ZFR2: variants seen among roughly 807,000 people sequenced by gnomAD.
ZFR2 encodes zinc finger RNA binding protein 2.
ZFR2 carries 104 observed loss-of-function variants against 105.7 expected under a neutral mutation model. The ratio of observed to expected loss-of-function variants is 0.98; its 90% CI spans 0.84 to 1.16. ZFR2 has a LOEUF of 1.16. Ranked by LOEUF, ZFR2 falls within the 50% of genes most tolerant of loss-of-function variation. ZFR2 has a pLI of 0.00. For missense variants in ZFR2, 1,425 were observed against 1,355.5 expected, an observed-to-expected ratio of 1.05 and a Z score of -0.80; for synonymous variants, 634 against 597.7, an observed-to-expected ratio of 1.06 and a Z score of -0.89.
Position 3,859,885 on chromosome 19 carries a change from G to GC in ZFR2, c.53+9079_53+9080insG, listed in dbSNP as rs2038352715. 7.2e-5 allele frequency among the ~76,000 whole-genome samples: 11 copies of GC among 152,176 alleles called. No individual in the cohort carries two copies. In the South Asian group the frequency reaches 2.3e-3, roughly 32 times the overall value. The stretch of plus-strand genomic sequence containing the variant: ...CGTAACAGTCCTGATTTTGTAACCA[G>GC]TTTTTTTCTTTTTCTTTTTTTCTGA... On this transcript the variant is annotated intron_variant, in intron 1 of 18. Transcript: ENST00000262961.
chr19:3,847,239 C>G (rs2145177317), intron 1 of ZFR2, among the ~76,000 whole-genome samples: 1 of 152,180 alleles, frequency 6.6e-6, no homozygotes, highest in Middle Eastern at 3.4e-3. Context: ...TTTCATAGAG[C>G]CGGGGGCAGG....
At chr19:3,818,857 C>T (rs934090035) in intron 12 of ZFR2, among the ~76,000 whole-genome samples, 188 bp downstream of exon 12, 7 of 152,276 alleles carry the variant, frequency 4.6e-5, no homozygotes, top group African/African-American at 7.2e-5. Context: ...AAACCAGCCT[C>T]GTTCAGTGCC....
At chr19:3,808,280 C>G (rs1226399037) in intron 17 of ZFR2, among the ~76,000 whole-genome samples, 3 of 152,250 alleles carry the variant, frequency 2.0e-5, no homozygotes, top group Admixed American at 6.5e-5. Context: ...CATGCCTACA[C>G]GTGTGCTTTA....
At chr19:3,812,888 G>C (rs367856627) in intron 14 of ZFR2, among the ~76,000 whole-genome samples, 4 of 152,252 alleles carry the variant, frequency 2.6e-5, no homozygotes, top group South Asian at 4.1e-4. Context: ...AGACCAACCT[G>C]GCCAACCTGG....
At chr19:3,816,945 C>A in intron 12 of ZFR2, 100 bp from the exon 13 acceptor site, 7 of 1,078,512 alleles carry the variant, frequency 6.5e-6, no homozygotes, top group Non-Finnish European at 9.2e-6. Context: ...AGTTACAGAG[C>A]CTCTCTGTGC....
rs557031346 is a variant in ZFR2 at position 3,834,178 on chromosome 19, C to T, written c.265-400G>A. 4.6e-5 allele frequency among the ~76,000 whole-genome samples: 7 copies of T among 152,022 alleles called. No homozygotes were observed. In the South Asian group the frequency reaches 6.2e-4, roughly 14 times the overall value. On this transcript the variant is annotated intron_variant, in intron 2 of 18. Transcript: ENST00000262961. This position sits in a 1 kb window ranked among gnomAD's most constrained non-coding sequence, Gnocchi z 5.3. ...CAGGGTGGCCTCTGATGCCGTTGAC[C>T]GACACAATCTGGGGACGAGGTGCGG... is the stretch of plus-strand genomic sequence containing the variant.
intron 1 of ZFR2, 87 bp downstream of exon 1, chr19:3,868,878 C>A: frequency 9.2e-7 from 1 of 1,089,588 alleles, no homozygotes; most frequent in Non-Finnish European, 1.2e-6. Flanking sequence ...CCGGGCCGGG[C>A]GCACGCGGCG....
chr19:3,835,412 G>T (rs780782101), intron 1 of ZFR2, among the ~76,000 whole-genome samples: 8 of 151,624 alleles, frequency 5.3e-5, no homozygotes, highest in Admixed American at 5.3e-4. Context: ...TGCAACCTCC[G>T]CCTCCCAGGT....
intron 18 of ZFR2, 80 bp downstream of exon 18, chr19:3,807,092 G>A (rs1463566301): frequency 1.8e-6 from 2 of 1,099,420 alleles, no homozygotes; most frequent in Admixed American, 4.8e-5. Flanking sequence ...GGAAACCCAG[G>A]CCATTTCGGG....
At chr19:3,806,218 G>C (rs2037695211) in intron 18 of ZFR2, 93 bp from the exon 19 acceptor site, 1 of 1,331,714 alleles carries the variant, frequency 7.5e-7, no homozygotes, top group African/African-American at 1.5e-5. Flanking sequence ...GCCACCAGCA[G>C]ATGGGCCAGG....
rs1228284607 is a variant in ZFR2 at position 3,804,305 on chromosome 19, A to C, written c.*1644T>G. On this transcript the variant is annotated 3_prime_UTR_variant, in exon 19 of 19. Coordinates refer to ENST00000262961, the MANE Select transcript of ZFR2 (RefSeq NM_015174.2). Reference sequence around the variant, plus strand: ...CATCAGTGCCAGGAGGCGCCTGCCCACCATGGCCAGCATCCACAAGACGGC... The same window carrying C: ...CATCAGTGCCAGGAGGCGCCTGCCCCCCATGGCCAGCATCCACAAGACGGC... 1 of 152,310 alleles carries C rather than the reference A, an allele frequency of 6.6e-6. No individual in the cohort carries two copies. Among genetic ancestry groups the C allele is most frequent in the Non-Finnish European group, 1.5e-5 (1 of 68,200 alleles). 9.4% of individuals were successfully genotyped at this position (152,310 alleles called of 1,614,324 possible).
Position 3,825,228 on chromosome 19 carries a change from A to G in ZFR2, c.1213+2T>C, listed in dbSNP as rs1232567836. ...CACGAACACGCATACAGACACACGT[A>G]CCCTCGCATAAGGCCTTCGAGGCCA... On this transcript the variant is annotated splice_donor_variant, in intron 7 of 18. Transcript: ENST00000262961. LOFTEE classifies it high-confidence loss of function. 1 of 1,527,654 alleles carries G rather than the reference A, an allele frequency of 6.5e-7. No individual in the cohort carries two copies. The highest frequency in any genetic ancestry group is 1.7e-4 in the Middle Eastern group (1 of 5,742). 94.6% of individuals were successfully genotyped at this position (1,527,654 alleles called of 1,614,324 possible).
chr19:3,868,345 AC>A (rs2038458193), intron 1 of ZFR2, among the ~76,000 whole-genome samples: 1 of 132,876 alleles, frequency 7.5e-6, no homozygotes, highest in African/African-American at 2.9e-5. Flanking sequence ...CCGGCCAGGC[AC>A]CCTCCCAGGT....
chr19:3,845,170 C>T (rs895091813), intron 1 of ZFR2, among the ~76,000 whole-genome samples: 2 of 152,172 alleles, frequency 1.3e-5, no homozygotes, highest in East Asian at 1.9e-4. Flanking sequence ...GGGATCCAGT[C>T]GGATTGGATT....
chr19:3,807,670 T>G (rs1027815160), intron 17 of ZFR2, among the ~76,000 whole-genome samples: 1 of 147,536 alleles, frequency 6.8e-6, no homozygotes, highest in African/African-American at 2.5e-5. Flanking sequence ...TGTGCACCCA[T>G]GTCGGTGTGT....
In ZFR2 at chr19:3,831,563, A is replaced by C. The variant is rs554670029; in HGVS notation, c.599-7T>G. Reference sequence around the variant, plus strand: ...TAGTTCGGGTAGCTTGGTGCTGAGCAGCAGAGAAAACAATGAGTCGGGGGG... The same window carrying C: ...TAGTTCGGGTAGCTTGGTGCTGAGCCGCAGAGAAAACAATGAGTCGGGGGG... On this transcript the variant is annotated splice_polypyrimidine_tract_variant and splice_region_variant and intron_variant, in intron 4 of 18. Transcript: ENST00000262961. The C allele has an allele frequency of 6.4e-7, 1 of 1,559,048 alleles. No homozygotes were observed. The highest frequency in any genetic ancestry group is 2.4e-5 in the East Asian group (1 of 42,130).
intron 17 of ZFR2, 122 bp from the exon 18 acceptor site, chr19:3,807,391 C>G (rs1013176660): frequency 1.5e-6 from 1 of 676,192 alleles, no homozygotes; most frequent in African/African-American, 1.8e-5. Flanking sequence ...TACTTGCAGC[C>G]GTGGCACCTC....
At chr19:3,811,493 C>G in intron 14 of ZFR2, 127 bp from the exon 15 acceptor site, 1 of 830,282 alleles carries the variant, frequency 1.2e-6, no homozygotes, top group South Asian at 1.7e-5. Context: ...TTCACTGTGT[C>G]ACCCAGGCTG....
chr19:3,832,473 C>T (rs1485938943), intron 3 of ZFR2, among the ~76,000 whole-genome samples: 1 of 151,942 alleles, frequency 6.6e-6, no homozygotes, highest in Non-Finnish European at 1.5e-5. Flanking sequence ...AAGCATGCGC[C>T]ACCCTGCCCG....
Sources: allele counts gnomAD v4.1 joint callset (sites outside exome capture counted in the v4.1 genomes callset), GRCh38; gene constraint gnomAD v4.1.1; non-coding constraint Gnocchi (gnomAD v3.1); transcripts MANE v1.5; gene names NCBI Gene and HGNC (gene_info 2026-07-23, HGNC 2026-07-21).